SLC14A2: variants seen among roughly 807,000 people sequenced by gnomAD.
SLC14A2 encodes the protein solute carrier family 14 member 2.
A neutral mutation model predicts 104.6 loss-of-function variants in SLC14A2; 91 were observed. The observed-to-expected ratio is 0.87, with a 90% CI of 0.73 to 1.04. SLC14A2 has a LOEUF of 1.04. Among genes scored for constraint, SLC14A2 ranks in the 50% least tolerant of loss-of-function variants. The probability of loss-of-function intolerance (pLI) is 0.00; values close to 1 mark genes in which losing one functional copy is unlikely to be tolerated. For missense variants in SLC14A2, 1,189 were observed against 1,156.0 expected (o/e 1.03, Z -0.41); for synonymous variants, 476 against 466.4 (o/e 1.02, Z -0.27).
intron 1 of SLC14A2, among the ~76,000 whole-genome samples, chr18:45,280,010 C>CA (rs1157491562): frequency 6.6e-6 from 1 of 152,140 alleles, no homozygotes; most frequent in African/African-American, 2.4e-5. Flanking sequence ...TTGTCACAAC[C>CA]AAAAAATATC....
At chr18:45,475,796 T>C (rs187768065) in intron 1 of SLC14A2, among the ~76,000 whole-genome samples, 22 of 151,286 alleles carry the variant, frequency 1.5e-4, no homozygotes, top group Admixed American at 1.3e-3. Context: ...GAGACTAGGA[T>C]TGCAACGCCT....
At chr18:45,544,023 G>A (rs764759398) in intron 2 of SLC14A2, among the ~76,000 whole-genome samples, 30 of 152,340 alleles carry the variant, frequency 2.0e-4, no homozygotes, top group Non-Finnish European at 3.2e-4. Context: ...AATGTTGGAC[G>A]AATTAAGCAC....
intron 2 of SLC14A2, among the ~76,000 whole-genome samples, chr18:45,502,152 C>T (rs925400539): frequency 3.3e-5 from 5 of 152,274 alleles, no homozygotes; most frequent in South Asian, 2.1e-4. Context: ...ACTTGTGAAA[C>T]AGGCAGATTC....
chr18:45,173,064 A>G, the SLC14A2 span, among the ~76,000 whole-genome samples: 1 of 152,170 alleles, frequency 6.6e-6, no homozygotes, highest in African/African-American at 2.4e-5. Flanking sequence ...GGGAAGTCAC[A>G]TACTACCATT....
In SLC14A2 at chr18:45,258,351, C is replaced by A. The variant is rs1427651320; in HGVS notation, c.-125+45160C>A. ...AGAAGTGCCCGAATCTCACAGACCA[C>A]CCCTGTTGCAACAGTGAAAACATTA... is the stretch of plus-strand genomic sequence containing the variant. On this transcript the variant is annotated intron_variant, in intron 1 of 20. Transcript: ENST00000586448. Among the ~76,000 whole-genome samples the A allele has an allele frequency of 2.8e-5, 4 of 142,400 alleles. 2 individuals carry two copies. Among genetic ancestry groups the A allele is most frequent in the Non-Finnish European group, 6.1e-5 (4 of 65,604 alleles). 93.4% of individuals were successfully genotyped at this position (142,400 alleles called of 152,430 possible).
intron 9 of SLC14A2, 25 bp from the exon 10 acceptor site, chr18:45,643,961 C>T: frequency 6.2e-7 from 1 of 1,607,012 alleles, no homozygotes; most frequent in Non-Finnish European, 8.5e-7. Flanking sequence ...GAAACTTCTT[C>T]AGTCCCCAAT....
intron 2 of SLC14A2, among the ~76,000 whole-genome samples, chr18:45,603,011 C>T (rs2044814697): frequency 6.6e-6 from 1 of 152,134 alleles, no homozygotes; most frequent in Admixed American, 6.5e-5. Context: ...TAGATTCTAT[C>T]AAAAAAGTAC....
intron 2 of SLC14A2, among the ~76,000 whole-genome samples, chr18:45,550,445 T>C (rs1433496101): frequency 6.6e-6 from 1 of 152,200 alleles, no homozygotes; most frequent in Non-Finnish European, 1.5e-5. Flanking sequence ...CTGAAATCAC[T>C]TTGAAGTGCT....
chr18:45,300,890 C>T (rs778146034), intron 1 of SLC14A2, among the ~76,000 whole-genome samples: 7 of 152,138 alleles, frequency 4.6e-5, no homozygotes, highest in Non-Finnish European at 7.4e-5. Flanking sequence ...CTCCTCTCCC[C>T]GGGAGCTGGC....
chr18:45,533,743 T>G (rs1169037067), intron 2 of SLC14A2, among the ~76,000 whole-genome samples: 1 of 152,178 alleles, frequency 6.6e-6, no homozygotes, highest in Non-Finnish European at 1.5e-5. Context: ...TCTGCTAGCT[T>G]TTGAATGTGT....
At chr18:45,301,585 T>G (rs16978338) in intron 1 of SLC14A2, among the ~76,000 whole-genome samples, 9,330 of 152,296 alleles carry the variant, frequency 0.061, 499 homozygotes, top group African/African-American at 0.14. Flanking sequence ...GACACCCACA[T>G]TTGTGCCTGC....
chr18:45,376,043 C>T (rs1015527920), intron 1 of SLC14A2, among the ~76,000 whole-genome samples: 2 of 54,284 alleles, frequency 3.7e-5, no homozygotes, highest in Non-Finnish European at 7.0e-5. Context: ...CCATGTGGAT[C>T]TGGGAGGTTG....
At chr18:45,229,973 T>C (rs1212017404) in intron 1 of SLC14A2, among the ~76,000 whole-genome samples, 3 of 152,204 alleles carry the variant, frequency 2.0e-5, no homozygotes, top group Non-Finnish European at 4.4e-5. Context: ...TCTGTTTCCA[T>C]CTGTAAAATA....
chr18:45,182,933 T>A, the SLC14A2 span, among the ~76,000 whole-genome samples: 4 of 152,342 alleles, frequency 2.6e-5, no homozygotes, highest in East Asian at 7.7e-4. Context: ...CCAAGAAATT[T>A]TTTTTAAATA....
intron 1 of SLC14A2, among the ~76,000 whole-genome samples, chr18:45,397,337 CT>C (rs1724836645): frequency 6.6e-6 from 1 of 152,138 alleles, no homozygotes; most frequent in Non-Finnish European, 1.5e-5. Flanking sequence ...ATTTTATTGA[CT>C]TTTTAATAGT....
intron 1 of SLC14A2, among the ~76,000 whole-genome samples, chr18:45,326,221 A>G (rs766521816): frequency 2.0e-5 from 3 of 152,202 alleles, no homozygotes; most frequent in Admixed American, 6.5e-5. Flanking sequence ...TGTCCAAAAT[A>G]TACATATGAG....
chr18:45,362,799 C>T (rs2085625917), intron 1 of SLC14A2, among the ~76,000 whole-genome samples: 1 of 152,190 alleles, frequency 6.6e-6, no homozygotes, highest in African/African-American at 2.4e-5. Context: ...TCCTGATAAA[C>T]ATTTGATAGT....
intron 2 of SLC14A2, among the ~76,000 whole-genome samples, chr18:45,535,192 C>T (rs1231637791): frequency 6.6e-6 from 1 of 152,132 alleles, no homozygotes; most frequent in Admixed American, 6.5e-5. Context: ...TATCACTGCC[C>T]TTCATTTGCC....
At chr18:45,312,005 A>G (rs894987496) in intron 1 of SLC14A2, among the ~76,000 whole-genome samples, 1 of 152,232 alleles carries the variant, frequency 6.6e-6, no homozygotes, top group Admixed American at 6.5e-5. Flanking sequence ...AAGAAGTCTT[A>G]GTGAGTGACC....
Sources: gnomAD v4.1 joint callset for allele counts (sites outside exome capture counted in the v4.1 genomes callset) on GRCh38, gnomAD v4.1.1 for gene constraint, MANE v1.5 for transcripts, NCBI Gene and HGNC (gene_info 2026-07-23, HGNC 2026-07-21) for gene names.